The following THRAP3 variants were observed in gnomAD, a reference collection of about 807,000 sequenced individuals.
The protein encoded by THRAP3 is thyroid hormone receptor associated protein 3, also known as thyroid hormone receptor-associated protein 3.
THRAP3 carries 16 observed loss-of-function variants against 101.0 expected under a neutral mutation model. The ratio of observed to expected loss-of-function variants is 0.16; its 90% CI spans 0.11 to 0.24. The LOEUF is 0.24. THRAP3 is among the 10% of genes least tolerant of loss of function. The pLI is 1.00. For synonymous variants in THRAP3, 407 were observed against 422.6 expected (o/e 0.96, Z 0.45); for missense variants, 989 against 1,202.7 (o/e 0.82, Z 2.63).
intron 1 of THRAP3, among the ~76,000 whole-genome samples, chr1:36,236,258 C>A (rs960859840): frequency 6.6e-6 from 1 of 151,140 alleles, no homozygotes; most frequent in African/African-American, 2.4e-5. Flanking sequence ...ACAGACTGGG[C>A]GCAAAAACCA....
chr1:36,301,696 G>T lies in THRAP3; in HGVS notation c.2646G>T (p.Leu882Phe), dbSNP rs1646032814. The change falls in exon 11 of 12, where the codon TTG (leucine) becomes TTT (phenylalanine). Residue 882 changes from leucine (L) to phenylalanine (F), a missense_variant and splice_region_variant. Coordinates refer to ENST00000354618, the MANE Select transcript of THRAP3 (RefSeq NM_005119.4). ...EYTPKSKKYY[L>F]HDDREGEGSD... ...CACCCAAAAGCAAGAAGTATTACTTGGTATGTGTCTGGGGATAACCAGGAA... is the reference window on the plus strand; with the variant it reads ...CACCCAAAAGCAAGAAGTATTACTTTGTATGTGTCTGGGGATAACCAGGAA... 2 of 1,612,510 alleles carry T rather than the reference G, an allele frequency of 1.2e-6. No individual in the cohort carries two copies. Among genetic ancestry groups the T allele is most frequent in the Non-Finnish European group, 1.7e-6 (2 of 1,179,204 alleles).
At position 36,293,833 on chromosome 1, in the gene THRAP3, T is replaced by C; in HGVS notation, c.2031-18T>C. On this transcript the variant is annotated intron_variant, in intron 7 of 11. Transcript: ENST00000354618. Reference sequence around the variant, plus strand: ...TCACACAATGGAATACTATATCGTTTTGTATTTTCAATTTTAGGAGAATAG... The same window carrying C: ...TCACACAATGGAATACTATATCGTTCTGTATTTTCAATTTTAGGAGAATAG... 1 of 1,602,482 alleles carries C rather than the reference T, an allele frequency of 6.2e-7. No homozygotes were observed. Among genetic ancestry groups the C allele is most frequent in the Non-Finnish European group, 8.5e-7 (1 of 1,169,856 alleles).
intron 4 of THRAP3, chr1:36,288,459 C>G: frequency 1.0e-6 from 1 of 985,434 alleles, no homozygotes; most frequent in Non-Finnish European, 1.2e-6. Flanking sequence ...AGCATGAGCT[C>G]TGCTTTTCCA....
chr1:36,212,418 C>CTTTTTTTTTTTTTTTTTTTTTTTTTTTT, the THRAP3 span, among the ~76,000 whole-genome samples: 3 of 122,048 alleles, frequency 2.5e-5, no homozygotes, highest in Non-Finnish European at 3.4e-5. Context: ...TTCTTTCTTT[C>CTTTTTTTTTTTTTTTTTTTTTTTTTTTT]TTTTTTTTTT....
intron 1 of THRAP3, among the ~76,000 whole-genome samples, chr1:36,231,915 T>C (rs1479072197): frequency 1.3e-5 from 2 of 152,046 alleles, no homozygotes; most frequent in Non-Finnish European, 2.9e-5. Context: ...GGTTGCCCAA[T>C]AGAGAAAAAG....
At chr1:36,299,371 G>A (rs1468133033) in intron 9 of THRAP3, among the ~76,000 whole-genome samples, 2 of 151,836 alleles carry the variant, frequency 1.3e-5, no homozygotes, top group African/African-American at 2.4e-5. Context: ...CCCAGGAGGT[G>A]GAGGTTGCAG....
At chr1:36,260,486 C>T (rs1017620376) in intron 2 of THRAP3, among the ~76,000 whole-genome samples, 1 of 152,066 alleles carries the variant, frequency 6.6e-6, no homozygotes, top group Non-Finnish European at 1.5e-5. Context: ...AAATAGTGGT[C>T]GTTTTTGGTA....
intron 1 of THRAP3, among the ~76,000 whole-genome samples, chr1:36,240,369 C>G (rs1308996284): frequency 1.3e-5 from 2 of 152,176 alleles, no homozygotes; most frequent in Non-Finnish European, 2.9e-5. Context: ...GCTGAAGAAC[C>G]TGGAGTCTGA....
the THRAP3 span, among the ~76,000 whole-genome samples, chr1:36,216,451 C>T: frequency 2.8e-5 from 4 of 145,358 alleles, no homozygotes; most frequent in Non-Finnish European, 6.0e-5. Context: ...ATACGGAGAT[C>T]GCGCACTGCA....
At chr1:36,277,772 AT>A (rs986492791) in intron 2 of THRAP3, among the ~76,000 whole-genome samples, 77 of 151,886 alleles carry the variant, frequency 5.1e-4, no homozygotes, top group African/African-American at 1.9e-3. Flanking sequence ...TATGATTATT[AT>A]TTTGAGACGG....
At chr1:36,278,156 C>G (rs991697339) in intron 2 of THRAP3, among the ~76,000 whole-genome samples, 1 of 151,446 alleles carries the variant, frequency 6.6e-6, no homozygotes, top group Non-Finnish European at 1.5e-5. Context: ...CTTCCACCTC[C>G]TGGGTTCAAG....
At chr1:36,213,993 GAAAGGAAAGAAAGAAAGAAA>G in the THRAP3 span, among the ~76,000 whole-genome samples, 355 of 83,962 alleles carry the variant, frequency 4.2e-3, 1 homozygote, top group East Asian at 7.1e-3. Context: ...AAGAAAGAAA[GAAAGGAAAGAAAGAAAGAAA>G]GAAAGAAAGA....
intron 11 of THRAP3, among the ~76,000 whole-genome samples, chr1:36,303,090 C>CTG (rs1646050282): frequency 6.6e-6 from 1 of 150,736 alleles, no homozygotes; most frequent in South Asian, 2.1e-4. Flanking sequence ...GGACTACAGG[C>CTG]GCACACCCCC....
At chr1:36,218,469 C>T in the THRAP3 span, among the ~76,000 whole-genome samples, 2 of 144,862 alleles carry the variant, frequency 1.4e-5, no homozygotes, top group Admixed American at 1.4e-4. Context: ...GTAATCCCAG[C>T]ACTTTGGGAG....
chr1:36,231,939 G>T (rs1420477675), intron 1 of THRAP3, among the ~76,000 whole-genome samples: 2 of 152,154 alleles, frequency 1.3e-5, no homozygotes, highest in Admixed American at 6.6e-5. Context: ...TAGTGGCTGG[G>T]TGTGGTGTGG....
Position 36,304,096 on chromosome 1 carries a change from C to T in THRAP3, c.*79C>T. ...CTGGTGAGGAGCTTAACAGAGGAAC[C>T]TCAAGAAGATTCTGAAAATCCTACC... On this transcript the variant is annotated 3_prime_UTR_variant, in exon 12 of 12. Transcript: ENST00000354618. 4.9e-6 allele frequency: 7 copies of T among 1,438,266 alleles called. No homozygotes were observed. Among genetic ancestry groups the T allele is most frequent in the Non-Finnish European group, 6.4e-6 (7 of 1,094,216 alleles). The allele number at this position is 1,438,266 out of a possible 1,614,324, so 89.1% of individuals were successfully genotyped here.
intron 2 of THRAP3, among the ~76,000 whole-genome samples, 155 bp from the exon 3 acceptor site, chr1:36,282,378 C>T (rs1032629814): frequency 5.2e-4 from 77 of 149,430 alleles, no homozygotes; most frequent in African/African-American, 1.9e-3. Flanking sequence ...ACCACTGTGA[C>T]TGGCTAATTA....
chr1:36,294,637 A>G (rs1244176302), intron 8 of THRAP3, among the ~76,000 whole-genome samples: 1 of 152,182 alleles, frequency 6.6e-6, no homozygotes, highest in Non-Finnish European at 1.5e-5. Context: ...CCTTTTCTAA[A>G]AAATACTTGT....
At chr1:36,264,698 CTT>C (rs1376103100) in intron 2 of THRAP3, among the ~76,000 whole-genome samples, 1 of 152,068 alleles carries the variant, frequency 6.6e-6, no homozygotes, top group Non-Finnish European at 1.5e-5. Flanking sequence ...TTATCTATCT[CTT>C]TTGGTCTTAA....
Sources: allele counts gnomAD v4.1 joint callset (sites outside exome capture counted in the v4.1 genomes callset), GRCh38; gene constraint gnomAD v4.1.1; transcripts MANE v1.5; gene names NCBI Gene and HGNC (gene_info 2026-07-23, HGNC 2026-07-21).